Variants in SH3D19 observed in about 807,000 individuals in gnomAD.
SH3D19 encodes the protein SH3 domain containing 19.
SH3D19 carries 58 observed loss-of-function variants against 112.1 expected under a neutral mutation model. That is an observed-to-expected ratio of 0.52 (90% CI 0.42 to 0.64). The LOEUF (loss-of-function observed/expected upper bound fraction) is 0.64, where lower values mean the gene tolerates loss of function less well. Among genes scored for constraint, SH3D19 ranks in the 30% least tolerant of loss-of-function variants. The pLI is 0.00. For synonymous variants in SH3D19, 391 were observed against 448.5 expected (o/e 0.87, Z 1.62); for missense variants, 1,090 against 1,263.4 (o/e 0.86, Z 2.08).
chr4:151,123,906 A>C (rs949337110), intron 19 of SH3D19, among the ~76,000 whole-genome samples: 2 of 152,148 alleles, frequency 1.3e-5, no homozygotes, highest in African/African-American at 2.4e-5. Flanking sequence ...GCTTTTCTTT[A>C]TGGAAAATGA....
intron 8 of SH3D19, among the ~76,000 whole-genome samples, chr4:151,159,866 C>T (rs1221633603): frequency 2.6e-5 from 4 of 152,118 alleles, no homozygotes; most frequent in Non-Finnish European, 4.4e-5. Context: ...AAAGTTCTAT[C>T]GCACAGTGCT....
chr4:151,302,168 G>A (rs1013375594), intron 1 of SH3D19, among the ~76,000 whole-genome samples: 9 of 152,274 alleles, frequency 5.9e-5, no homozygotes, highest in East Asian at 3.9e-4. Flanking sequence ...TCTGAGCATC[G>A]TTATAAACAC....
At chr4:151,311,927 C>G (rs77706960) in intron 1 of SH3D19, among the ~76,000 whole-genome samples, 7,829 of 152,094 alleles carry the variant, frequency 0.051, 640 homozygotes, top group African/African-American at 0.17. Context: ...AAGGTCTAAA[C>G]TTTTAGTCAT....
intron 18 of SH3D19, 76 bp from the exon 19 acceptor site, chr4:151,127,791 A>C (rs1749740904): frequency 1.3e-6 from 1 of 792,828 alleles, no homozygotes; most frequent in Non-Finnish European, 1.9e-6. Flanking sequence ...TTTAAAAAAA[A>C]ACGCTTATCG....
intron 10 of SH3D19, 47 bp from the exon 11 acceptor site, chr4:151,148,233 A>G: frequency 1.3e-6 from 2 of 1,521,996 alleles, no homozygotes; most frequent in Middle Eastern, 1.8e-4. Context: ...GATCAGTATT[A>G]AATTCTGTCC....
chr4:151,128,491 A>T, intron 17 of SH3D19, 135 bp from the exon 18 acceptor site: 2 of 575,232 alleles, frequency 3.5e-6, no homozygotes, highest in Non-Finnish European at 2.8e-6. Flanking sequence ...TCTTTAAATT[A>T]TCTAATACTT....
At chr4:151,242,258 G>C (rs1232604689) in intron 1 of SH3D19, among the ~76,000 whole-genome samples, 1 of 152,118 alleles carries the variant, frequency 6.6e-6, no homozygotes, top group Non-Finnish European at 1.5e-5. Flanking sequence ...TTATGAAAAT[G>C]ACTTACAAAT....
intron 2 of SH3D19, among the ~76,000 whole-genome samples, chr4:151,202,579 G>C (rs192058398): frequency 2.0e-5 from 3 of 152,268 alleles, no homozygotes. Flanking sequence ...TGTAAGATAT[G>C]CCAACTGTTT....
intron 1 of SH3D19, chr4:151,226,289 G>A (rs10520102): frequency 0.85 from 1,034,214 of 1,212,662 alleles, 449,072 homozygotes; most frequent in Non-Finnish European, 0.89. Context: ...AAAAGCTTAC[G>A]GTTTGTTAAA....
At chr4:151,306,159 A>G (rs950342992) in intron 1 of SH3D19, among the ~76,000 whole-genome samples, 5 of 152,248 alleles carry the variant, frequency 3.3e-5, no homozygotes, top group African/African-American at 1.2e-4. Context: ...AAGTCAGCCC[A>G]GGGAATTTCC....
At chr4:151,278,842 A>G (rs1010044037) in intron 1 of SH3D19, among the ~76,000 whole-genome samples, 3 of 152,188 alleles carry the variant, frequency 2.0e-5, no homozygotes, top group Non-Finnish European at 4.4e-5. Flanking sequence ...CATGTTGCCC[A>G]GGCTGGTTTT....
At chr4:151,267,670 C>T (rs770441997) in intron 1 of SH3D19, among the ~76,000 whole-genome samples, 4 of 151,916 alleles carry the variant, frequency 2.6e-5, no homozygotes, top group Non-Finnish European at 5.9e-5. Flanking sequence ...AGAAAGCCAG[C>T]TGTCAAAAAA....
rs1188077902 is a variant in SH3D19 at position 151,165,580 on chromosome 4, A to C, written c.1642+9T>G. The stretch of plus-strand genomic sequence containing the variant: ...AAGAAGCTAATAAAGAAAGCAGAGA[A>C]GTGCTTACATTTTCCTGGTTTGGCT... On this transcript the variant is annotated intron_variant, in intron 8 of 19. Transcript: ENST00000604030. 6.2e-7 allele frequency: 1 copy of C among 1,603,260 alleles called. No homozygotes were observed. Among genetic ancestry groups the C allele is most frequent in the African/African-American group, 1.3e-5 (1 of 74,724 alleles).
At chr4:151,127,517 G>A in intron 19 of SH3D19, 101 bp downstream of exon 19, 1 of 660,416 alleles carries the variant, frequency 1.5e-6, no homozygotes, top group Non-Finnish European at 2.4e-6. Flanking sequence ...CTTCATTCTT[G>A]AGTAATGATT....
chr4:151,259,396 G>A (rs546740233), intron 1 of SH3D19: 3 of 152,454 alleles, frequency 2.0e-5, no homozygotes, highest in African/African-American at 7.2e-5. Flanking sequence ...CTGAGTTTGG[G>A]AAATGACCAT....
intron 19 of SH3D19, among the ~76,000 whole-genome samples, chr4:151,127,327 T>A (rs1463067992): frequency 2.0e-5 from 3 of 152,196 alleles, no homozygotes; most frequent in Non-Finnish European, 4.4e-5. Flanking sequence ...AAAACCCTAA[T>A]ATTACTGAGA....
At chr4:151,150,097 A>G (rs1754654035) in intron 9 of SH3D19, among the ~76,000 whole-genome samples, 1 of 142,526 alleles carries the variant, frequency 7.0e-6, no homozygotes, top group African/African-American at 2.6e-5. Context: ...AGGCAGGAGA[A>G]TGGCGTGAAC....
At chr4:151,136,295 G>A (rs1034031726) in intron 14 of SH3D19, among the ~76,000 whole-genome samples, 3 of 151,720 alleles carry the variant, frequency 2.0e-5, no homozygotes, top group Non-Finnish European at 2.9e-5. Flanking sequence ...CTACACACGC[G>A]TAACACCATG....
intron 15 of SH3D19, among the ~76,000 whole-genome samples, chr4:151,133,799 C>A (rs1344023292): frequency 6.6e-6 from 1 of 152,026 alleles, no homozygotes; most frequent in African/African-American, 2.4e-5. Flanking sequence ...AACCCTGTTG[C>A]CTTTAAAAAT....
Sources: gnomAD v4.1 joint callset for allele counts (sites outside exome capture counted in the v4.1 genomes callset) on GRCh38, gnomAD v4.1.1 for gene constraint, MANE v1.5 for transcripts, NCBI Gene and HGNC (gene_info 2026-07-23, HGNC 2026-07-21) for gene names.